UNC5D: variants seen among roughly 807,000 people sequenced by gnomAD.
The protein encoded by UNC5D is unc-5 netrin receptor D, also known as netrin receptor UNC5D.
UNC5D carries 39 observed loss-of-function variants against 105.4 expected under a neutral mutation model. The ratio of observed to expected loss-of-function variants is 0.37; its 90% CI spans 0.29 to 0.48. The LOEUF is 0.48. UNC5D is among the 20% of genes least tolerant of loss of function. The probability of loss-of-function intolerance (pLI) is 0.98; values close to 1 mark genes in which losing one functional copy is unlikely to be tolerated. For missense variants in UNC5D, 991 were observed against 1,202.4 expected, an observed-to-expected ratio of 0.82 and a Z score of 2.60; for synonymous variants, 452 against 450.4, an observed-to-expected ratio of 1.00 and a Z score of -0.04.
intron 1 of UNC5D, among the ~76,000 whole-genome samples, chr8:35,477,480 C>T (rs920165187): frequency 1.3e-5 from 2 of 151,894 alleles, no homozygotes; most frequent in Non-Finnish European, 2.9e-5. Flanking sequence ...TTATGATGCT[C>T]ACTATTTGAA....
At chr8:35,292,130 C>T (rs192880881) in intron 1 of UNC5D, among the ~76,000 whole-genome samples, 89 of 152,330 alleles carry the variant, frequency 5.8e-4, no homozygotes, top group African/African-American at 2.1e-3. Flanking sequence ...ATTCTAACAA[C>T]TCTCAAGCCC....
intron 1 of UNC5D, among the ~76,000 whole-genome samples, chr8:35,282,849 T>C (rs939334976): frequency 6.6e-6 from 1 of 152,172 alleles, no homozygotes; most frequent in Non-Finnish European, 1.5e-5. Flanking sequence ...CTAAATATAC[T>C]GATTAGGGCT....
At chr8:35,394,443 A>G (rs966114789) in intron 1 of UNC5D, among the ~76,000 whole-genome samples, 1 of 152,152 alleles carries the variant, frequency 6.6e-6, no homozygotes, top group Non-Finnish European at 1.5e-5. Context: ...TATTCAAAAA[A>G]CCATGTCCAT....
intron 1 of UNC5D, among the ~76,000 whole-genome samples, chr8:35,259,128 C>A (rs2128819609): frequency 6.6e-6 from 1 of 152,272 alleles, no homozygotes; most frequent in African/African-American, 2.4e-5. Context: ...GTGTTGAGCT[C>A]TAAACTCCAG....
chr8:35,299,901 G>A (rs918957458), intron 1 of UNC5D, among the ~76,000 whole-genome samples: 4 of 152,112 alleles, frequency 2.6e-5, no homozygotes, highest in East Asian at 1.9e-4. Context: ...AGGATATGCT[G>A]TAAAGTGGAA....
In UNC5D at chr8:35,263,959, G is replaced by T. The variant is rs867591195; in HGVS notation, c.103+28072G>T. ...GTTTATCAGAAAATAATGCACTCATGATTTTTTGCTATAATTAATACCAGT... is the reference window on the plus strand; with the variant it reads ...GTTTATCAGAAAATAATGCACTCATTATTTTTTGCTATAATTAATACCAGT... On this transcript the variant is annotated intron_variant, in intron 1 of 16. Coordinates refer to ENST00000404895, the MANE Select transcript of UNC5D (RefSeq NM_080872.4). Among the ~76,000 whole-genome samples the T allele has an allele frequency of 2.4e-4, 37 of 152,130 alleles. 1 individual carries two copies. The highest frequency in any genetic ancestry group is 7.7e-4 in the African/African-American group (32 of 41,438).
intron 1 of UNC5D, among the ~76,000 whole-genome samples, chr8:35,546,274 T>C (rs7829642): frequency 0.15 from 22,711 of 152,156 alleles, 2,145 homozygotes; most frequent in Admixed American, 0.25. Context: ...CTCTCCTGCT[T>C]TCTTTCAGAT....
chr8:35,417,627 T>G (rs1805615210), intron 1 of UNC5D, among the ~76,000 whole-genome samples: 1 of 152,228 alleles, frequency 6.6e-6, no homozygotes, highest in South Asian at 2.1e-4. Context: ...ATAGATTTTT[T>G]TTTAATGACA....
At chr8:35,753,192 T>G (rs1046146170) in intron 13 of UNC5D, among the ~76,000 whole-genome samples, 3 of 152,198 alleles carry the variant, frequency 2.0e-5, no homozygotes, top group African/African-American at 7.2e-5. Context: ...GGTAATAGAA[T>G]CTTTTTAGAC....
intron 1 of UNC5D, among the ~76,000 whole-genome samples, chr8:35,386,466 G>A (rs1803404798): frequency 6.6e-6 from 1 of 152,012 alleles, no homozygotes; most frequent in Non-Finnish European, 1.5e-5. Flanking sequence ...TCTGTTAATT[G>A]TTTTTTACTA....
chr8:35,747,774 T>A (rs1427368723), intron 11 of UNC5D, among the ~76,000 whole-genome samples: 1 of 152,240 alleles, frequency 6.6e-6, no homozygotes, highest in Admixed American at 6.5e-5. Flanking sequence ...CCATTTTAGT[T>A]AACTTTCACT....
intron 1 of UNC5D, among the ~76,000 whole-genome samples, chr8:35,413,270 T>A (rs530584794): frequency 3.6e-3 from 71 of 19,664 alleles, no homozygotes; most frequent in African/African-American, 7.1e-3. Flanking sequence ...TGTGTGTGTG[T>A]GTGTGTGTGT....
At chr8:35,683,814 G>C in intron 5 of UNC5D, 87 bp downstream of exon 5, 1 of 1,291,412 alleles carries the variant, frequency 7.7e-7, no homozygotes, top group East Asian at 3.0e-5. Context: ...TCAATGTCGA[G>C]AGCTGCAAAG....
intron 1 of UNC5D, among the ~76,000 whole-genome samples, chr8:35,353,694 G>A (rs1284602024): frequency 6.6e-6 from 1 of 151,866 alleles, no homozygotes; most frequent in Non-Finnish European, 1.5e-5. Context: ...TTCTTAAAAA[G>A]AAGAAGATAC....
intron 1 of UNC5D, among the ~76,000 whole-genome samples, chr8:35,274,740 T>C (rs1333409349): frequency 1.3e-5 from 2 of 152,216 alleles, no homozygotes; most frequent in East Asian, 3.8e-4. Flanking sequence ...AAAATGTATT[T>C]GAATCATAGG....
intron 1 of UNC5D, among the ~76,000 whole-genome samples, chr8:35,264,953 T>C (rs1367371846): frequency 6.6e-6 from 1 of 152,136 alleles, no homozygotes; most frequent in Non-Finnish European, 1.5e-5. Flanking sequence ...AGATGGTTCA[T>C]AAATATTCCT....
At chr8:35,731,224 G>C (rs1245518891) in intron 11 of UNC5D, 128 bp downstream of exon 11, 3 of 786,772 alleles carry the variant, frequency 3.8e-6, no homozygotes, top group Non-Finnish European at 2.0e-6. Flanking sequence ...CATGGCGAAA[G>C]CCTGTCTCTA....
chr8:35,357,747 A>G (rs1291766331), intron 1 of UNC5D, among the ~76,000 whole-genome samples: 1 of 152,158 alleles, frequency 6.6e-6, no homozygotes, highest in Admixed American at 6.5e-5. Context: ...AGTTGTGGGA[A>G]TAAGTAAAGC....
At chr8:35,572,512 T>C (rs2130804538) in intron 3 of UNC5D, among the ~76,000 whole-genome samples, 1 of 152,252 alleles carries the variant, frequency 6.6e-6, no homozygotes, top group East Asian at 1.9e-4. Context: ...AAAAAATTTA[T>C]ATAATGCATG....
Sources: gnomAD v4.1 joint callset for allele counts (sites outside exome capture counted in the v4.1 genomes callset) on GRCh38, gnomAD v4.1.1 for gene constraint, MANE v1.5 for transcripts, NCBI Gene and HGNC (gene_info 2026-07-23, HGNC 2026-07-21) for gene names.